The following LDLRAP1 variants were observed in gnomAD, a reference collection of about 807,000 sequenced individuals.
LDLRAP1 encodes the protein low density lipoprotein receptor adaptor protein 1.
LDLRAP1 carries 30 observed loss-of-function variants against 37.8 expected under a neutral mutation model. That is an observed-to-expected ratio of 0.79 (90% CI 0.59 to 1.08). The LOEUF (loss-of-function observed/expected upper bound fraction) is 1.08. Ranked by LOEUF, LDLRAP1 falls within the 50% of genes least tolerant of loss-of-function variation. The probability of loss-of-function intolerance (pLI) is 0.00; values close to 1 mark genes in which losing one functional copy is unlikely to be tolerated. For missense variants in LDLRAP1, 375 were observed against 401.6 expected, an observed-to-expected ratio of 0.93 and a Z score of 0.57; for synonymous variants, 156 against 169.8, an observed-to-expected ratio of 0.92 and a Z score of 0.63.
chr1:25,584,374 C>G, the LDLRAP1 span, among the ~76,000 whole-genome samples: 1 of 152,010 alleles, frequency 6.6e-6, no homozygotes, highest in Non-Finnish European at 1.5e-5. Context: ...GTGTTCTCTG[C>G]TGGCCTCAGC....
chr1:25,543,925 G>T (rs2043866449), intron 1 of LDLRAP1, 139 bp downstream of exon 1: 2 of 441,466 alleles, frequency 4.5e-6, no homozygotes, highest in Non-Finnish European at 7.1e-6. Flanking sequence ...CCCTTTCCCG[G>T]CCCTGCGGGG....
Position 25,547,503 on chromosome 1 carries a change from A to G in LDLRAP1, c.88+3717A>G, listed in dbSNP as rs867004031. On this transcript the variant is annotated intron_variant, in intron 1 of 8. Transcript: ENST00000374338. ...GTCTCAAATAATAAATAAATAAATAAATAAATAAATAAATAAATAAATAAA... is the reference window on the plus strand; with the variant it reads ...GTCTCAAATAATAAATAAATAAATAGATAAATAAATAAATAAATAAATAAA... Among the ~76,000 whole-genome samples the G allele has an allele frequency of 2.6e-4, 39 of 151,390 alleles. 1 individual carries two copies. The highest frequency in any genetic ancestry group is 9.5e-4 in the African/African-American group (39 of 41,266).
chr1:25,554,532 G>A lies in LDLRAP1; in HGVS notation c.232-328G>A, dbSNP rs1474347601. On this transcript the variant is annotated intron_variant, in intron 2 of 8. Coordinates refer to ENST00000374338, the MANE Select transcript of LDLRAP1 (RefSeq NM_015627.3). This position sits in a 1 kb window ranked among gnomAD's most constrained non-coding sequence, Gnocchi z 5.4. ...AGAGTACTCAGGAGTCATCCTGCTG[G>A]GTTGTGCTAGCTCATTCAGTGCCGA... 6.6e-6 allele frequency among the ~76,000 whole-genome samples: 1 copy of A among 152,224 alleles called. No individual in the cohort carries two copies. Among genetic ancestry groups the A allele is most frequent in the Admixed American group, 6.5e-5 (1 of 15,288 alleles).
At chr1:25,575,904 A>G in the LDLRAP1 span, among the ~76,000 whole-genome samples, 1 of 152,192 alleles carries the variant, frequency 6.6e-6, no homozygotes, top group Non-Finnish European at 1.5e-5. Context: ...TAGTAGAGCC[A>G]GGATTTGAAC....
chr1:25,582,345 G>A, the LDLRAP1 span, among the ~76,000 whole-genome samples: 2 of 152,188 alleles, frequency 1.3e-5, no homozygotes, highest in Non-Finnish European at 1.5e-5. Context: ...CCAGCACTTT[G>A]GGAGGCCAAG....
At chr1:25,577,883 G>A in the LDLRAP1 span, among the ~76,000 whole-genome samples, 1 of 152,228 alleles carries the variant, frequency 6.6e-6, no homozygotes, top group African/African-American at 2.4e-5. Context: ...AACAGTGCCT[G>A]GCCCACGTCA....
downstream of LDLRAP1, among the ~76,000 whole-genome samples, chr1:25,572,724 C>G (rs981582329): frequency 1.3e-5 from 2 of 152,156 alleles, no homozygotes; most frequent in Non-Finnish European, 2.9e-5. Flanking sequence ...GAAGTCCCTC[C>G]CACTCTTGCT....
intron 4 of LDLRAP1, among the ~76,000 whole-genome samples, chr1:25,558,871 C>T (rs2044275465): frequency 6.6e-6 from 1 of 152,174 alleles, no homozygotes; most frequent in Non-Finnish European, 1.5e-5. Flanking sequence ...ATTCAGCCCA[C>T]CACAGGTGTC....
intron 5 of LDLRAP1, 78 bp from the exon 6 acceptor site, chr1:25,562,992 A>G (rs1161664029): frequency 7.1e-7 from 1 of 1,411,776 alleles, no homozygotes; most frequent in Non-Finnish European, 1.0e-6. Context: ...GGCCACCGCT[A>G]ATCACCCCTG....
the LDLRAP1 span, among the ~76,000 whole-genome samples, chr1:25,580,684 T>A: frequency 1.3e-5 from 2 of 151,580 alleles, no homozygotes; most frequent in Non-Finnish European, 1.5e-5. Flanking sequence ...AACTTTTTAA[T>A]TTTTTTTTGT....
Position 25,566,965 on chromosome 1 carries a change from A to G in LDLRAP1, c.900A>G (p.Thr300=). The G allele has an allele frequency of 2.5e-6, 4 of 1,613,554 alleles. No individual in the cohort carries two copies. Among genetic ancestry groups the G allele is most frequent in the Non-Finnish European group, 3.4e-6 (4 of 1,180,030 alleles). The stretch of plus-strand genomic sequence containing the variant: ...GGGACAAGCCTGACAGCAGCGGCAC[A>G]GAGCAGGATGACCTCTTCAGCTTCT... The part of the protein sequence containing the change: ...VDWDKPDSSG[T]EQDDLFSF Residue 300 remains threonine, a synonymous_variant, in exon 9 of 9, where the codon ACA becomes ACG. Transcript: ENST00000374338.
chr1:25,577,173 C>T, the LDLRAP1 span, among the ~76,000 whole-genome samples: 1 of 152,196 alleles, frequency 6.6e-6, no homozygotes, highest in South Asian at 2.1e-4. Flanking sequence ...TTTGTGGAAT[C>T]AGCTCATTAC....
intron 3 of LDLRAP1, among the ~76,000 whole-genome samples, chr1:25,556,279 A>G (rs888457888): frequency 1.3e-5 from 2 of 151,970 alleles, no homozygotes; most frequent in East Asian, 3.9e-4. Context: ...GGCTGACTGG[A>G]GGCAACGAGG....
At chr1:25,550,123 G>A (rs1225274261) in intron 1 of LDLRAP1, 2 of 152,272 alleles carry the variant, frequency 1.3e-5, no homozygotes, top group African/African-American at 2.4e-5. Flanking sequence ...GTCAAGAAAG[G>A]CACCAACAGC....
chr1:25,554,940 C>A lies in LDLRAP1; in HGVS notation c.312C>A (p.Thr104=). 2 of 1,614,162 alleles carry A rather than the reference C, an allele frequency of 1.2e-6. No homozygotes were observed. The highest frequency in any genetic ancestry group is 4.5e-5 in the East Asian group (2 of 44,882). ...PRGIILTDNL[T]NQLIENVSIY... ...GAATTATCCTGACAGACAACCTCAC[C>A]AACCAGCTCATTGAGAACGTGTCCA... Residue 104 remains threonine, a synonymous_variant, in exon 3 of 9, where the codon ACC becomes ACA. Transcript: ENST00000374338. This position sits in a 1 kb window ranked among gnomAD's most constrained non-coding sequence, Gnocchi z 5.4.
At chr1:25,576,066 TA>T in the LDLRAP1 span, among the ~76,000 whole-genome samples, 769 of 138,666 alleles carry the variant, frequency 5.5e-3, no homozygotes, top group South Asian at 0.017. Flanking sequence ...CCATCTCTAT[TA>T]AAAAAAAAAA....
the LDLRAP1 span, among the ~76,000 whole-genome samples, chr1:25,581,993 G>A: frequency 5.9e-3 from 891 of 152,264 alleles, 5 homozygotes; most frequent in Non-Finnish European, 9.1e-3. Context: ...TGCACAGCTG[G>A]GGGAGGGGCT....
intron 1 of LDLRAP1, among the ~76,000 whole-genome samples, chr1:25,545,972 T>G (rs2124639414): frequency 6.6e-6 from 1 of 152,324 alleles, no homozygotes; most frequent in South Asian, 2.1e-4. Flanking sequence ...TTGGAGTCAT[T>G]GGCTCCAGAC....
In LDLRAP1 at chr1:25,566,721, C is replaced by G. The variant is rs1049732427; in HGVS notation, c.783-127C>G. On this transcript the variant is annotated intron_variant, in intron 8 of 8. Coordinates refer to ENST00000374338, the MANE Select transcript of LDLRAP1 (RefSeq NM_015627.3). ...CTTTGATCTGAGGTTACTCCACCTCCCCTGCACCGGGGGCTTCCTTCTTGG... is the reference window on the plus strand; with the variant it reads ...CTTTGATCTGAGGTTACTCCACCTCGCCTGCACCGGGGGCTTCCTTCTTGG... 4.3e-6 allele frequency: 5 copies of G among 1,157,046 alleles called. No homozygotes were observed. In the East Asian group the frequency reaches 1.3e-4, roughly 30 times the overall value. 71.7% of individuals were successfully genotyped at this position (1,157,046 alleles called of 1,614,324 possible).
Sources: gnomAD v4.1 joint callset for allele counts (sites outside exome capture counted in the v4.1 genomes callset) on GRCh38, gnomAD v4.1.1 for gene constraint, Gnocchi (gnomAD v3.1) non-coding constraint, MANE v1.5 for transcripts, NCBI Gene and HGNC (gene_info 2026-07-23, HGNC 2026-07-21) for gene names.